Variants in GAB2 observed in about 807,000 individuals in gnomAD.
GAB2 encodes GRB2 associated binding protein 2.
In GAB2, 26 loss-of-function variants were observed where a neutral mutation model predicts 65.5. The ratio of observed to expected loss-of-function variants is 0.40; its 90% CI spans 0.29 to 0.55. GAB2 has a LOEUF of 0.55. GAB2 is among the 20% of genes least tolerant of loss of function. The pLI, the probability that GAB2 is intolerant of heterozygous loss-of-function variation, is 0.53. For synonymous variants in GAB2, 321 were observed against 329.6 expected (o/e 0.97, Z 0.28); for missense variants, 884 against 875.8 (o/e 1.01, Z -0.12).
At chr11:78,396,927 G>GCACACAAAGGGTGAAACAGCCT (rs1282388224) in intron 1 of GAB2, among the ~76,000 whole-genome samples, 5 of 152,074 alleles carry the variant, frequency 3.3e-5, no homozygotes, top group African/African-American at 1.2e-4. Flanking sequence ...TTAACTTAAA[G>GCACACAAAGGGTGAAACAGCCT]CACACAAAGG....
At chr11:78,395,076 G>T (rs1856878779) in intron 1 of GAB2, among the ~76,000 whole-genome samples, 1 of 152,158 alleles carries the variant, frequency 6.6e-6, no homozygotes, top group African/African-American at 2.4e-5. Context: ...AGACCAGAAG[G>T]GCCAGGGAAG....
intron 1 of GAB2, among the ~76,000 whole-genome samples, chr11:78,310,346 C>CA (rs140896478): frequency 0.015 from 1,826 of 120,096 alleles, 22 homozygotes; most frequent in African/African-American, 0.034. Flanking sequence ...ACTAAAAATA[C>CA]AAAAAAAAAA....
chr11:78,406,619 T>A (rs756510525), intron 1 of GAB2, among the ~76,000 whole-genome samples: 1 of 152,090 alleles, frequency 6.6e-6, no homozygotes, highest in Non-Finnish European at 1.5e-5. Flanking sequence ...CTCAGGTGAC[T>A]CACCTGCCTT....
At chr11:78,298,283 C>G (rs939211470) in intron 1 of GAB2, among the ~76,000 whole-genome samples, 5 of 152,028 alleles carry the variant, frequency 3.3e-5, no homozygotes, top group Non-Finnish European at 7.4e-5. Flanking sequence ...TGGGAGATAC[C>G]GGAGAAGGAA....
chr11:78,309,971 T>TGTGTGTGTGTGTGTGTGTGTGCGC lies in GAB2; in HGVS notation c.76-29071_76-29070insGCGCACACACACACACACACACAC, dbSNP rs1421836447. ...GTGTGTGTGTGTGTGTGTGTGTGTG[T>TGTGTGTGTGTGTGTGTGTGTGCGC]GCGCGCGCGCCTGTGTGTGTGGTGG... On this transcript the variant is annotated intron_variant, in intron 1 of 9. Coordinates refer to ENST00000361507, the MANE Select transcript of GAB2 (RefSeq NM_080491.3). 1.7e-3 allele frequency among the ~76,000 whole-genome samples: 210 copies of TGTGTGTGTGTGTGTGTGTGTGCGC among 120,118 alleles called. 1 individual carries two copies. The highest frequency in any genetic ancestry group is 7.3e-3 in the African/African-American group (204 of 28,026). 78.8% of individuals were successfully genotyped at this position (120,118 alleles called of 152,430 possible).
At chr11:78,222,363 G>A (rs1260562350) in intron 6 of GAB2, among the ~76,000 whole-genome samples, 168 bp from the exon 7 acceptor site, 1 of 152,062 alleles carries the variant, frequency 6.6e-6, no homozygotes, top group Non-Finnish European at 1.5e-5. Flanking sequence ...CCATATTGAT[G>A]AGCCTTGAAG....
In GAB2 at chr11:78,354,383, C is replaced by T. The variant is rs189699941; in HGVS notation, c.75+63263G>A. Among the ~76,000 whole-genome samples the T allele has an allele frequency of 1.8e-3, 272 of 152,136 alleles. 2 individuals are homozygous for T. The highest frequency in any genetic ancestry group is 3.5e-3 in the South Asian group (17 of 4,826). On this transcript the variant is annotated intron_variant, in intron 1 of 9. Transcript: ENST00000361507. Reference sequence around the variant, plus strand: ...AAAGAATATGTGATACTAGTACAGACCATATGTACTGTACTGTATCATATC... The same window carrying T: ...AAAGAATATGTGATACTAGTACAGATCATATGTACTGTACTGTATCATATC...
At chr11:78,339,369 A>T (rs921426934) in intron 1 of GAB2, among the ~76,000 whole-genome samples, 1 of 152,178 alleles carries the variant, frequency 6.6e-6, no homozygotes, top group African/African-American at 2.4e-5. Context: ...GGGTTTCAAG[A>T]TGGTCACAAG....
chr11:78,263,636 GAA>G (rs61518720), intron 2 of GAB2, among the ~76,000 whole-genome samples: 38 of 129,138 alleles, frequency 2.9e-4, no homozygotes, highest in African/African-American at 5.7e-4. Flanking sequence ...CTGTCTGGGG[GAA>G]AAAAAAAAAA....
chr11:78,354,894 T>C (rs545571164), intron 1 of GAB2, among the ~76,000 whole-genome samples: 1 of 152,310 alleles, frequency 6.6e-6, no homozygotes, highest in African/African-American at 2.4e-5. Flanking sequence ...ATTACATCAT[T>C]ATACCATAAT....
intron 2 of GAB2, among the ~76,000 whole-genome samples, chr11:78,272,708 T>C (rs1866046598): frequency 6.6e-6 from 1 of 152,166 alleles, no homozygotes; most frequent in African/African-American, 2.4e-5. Flanking sequence ...TTTGCATAAG[T>C]AAGGAGGAGA....
At chr11:78,316,129 C>T (rs1253556060) in intron 1 of GAB2, among the ~76,000 whole-genome samples, 1 of 152,032 alleles carries the variant, frequency 6.6e-6, no homozygotes, top group Non-Finnish European at 1.5e-5. Flanking sequence ...GGGACTTGCA[C>T]GGGGGGCCAG....
intron 1 of GAB2, among the ~76,000 whole-genome samples, chr11:78,303,743 G>C (rs1867095606): frequency 6.6e-6 from 1 of 152,098 alleles, no homozygotes; most frequent in Non-Finnish European, 1.5e-5. Flanking sequence ...TGAATCTATT[G>C]ATCAATTTAG....
At position 78,397,615 on chromosome 11, in the gene GAB2, A is replaced by C. The variant is rs545250553; in HGVS notation, c.75+20031T>G. 2.6e-5 allele frequency among the ~76,000 whole-genome samples: 4 copies of C among 152,352 alleles called. No homozygotes were observed. In the South Asian group the frequency reaches 8.3e-4, roughly 32 times the overall value. On this transcript the variant is annotated intron_variant, in intron 1 of 9. Coordinates refer to ENST00000361507, the MANE Select transcript of GAB2 (RefSeq NM_080491.3). Reference sequence around the variant, plus strand: ...GGCAGATTACCCACAAGTAAAATCTAAACATAGGTCTTATGACACTAACCT... The same window carrying C: ...GGCAGATTACCCACAAGTAAAATCTCAACATAGGTCTTATGACACTAACCT...
At chr11:78,325,754 G>A (rs1855810462) in intron 1 of GAB2, among the ~76,000 whole-genome samples, 1 of 152,152 alleles carries the variant, frequency 6.6e-6, no homozygotes, top group Non-Finnish European at 1.5e-5. Flanking sequence ...TACATTGTCA[G>A]TAGTTAAATC....
intron 3 of GAB2, among the ~76,000 whole-genome samples, chr11:78,242,808 A>G (rs1865177665): frequency 6.6e-6 from 1 of 152,214 alleles, no homozygotes; most frequent in African/African-American, 2.4e-5. Context: ...TTTTTCAAAG[A>G]ATAAACAAAA....
chr11:78,401,584 C>T (rs1165175403), intron 1 of GAB2, among the ~76,000 whole-genome samples: 1 of 144,794 alleles, frequency 6.9e-6, no homozygotes, highest in Non-Finnish European at 1.5e-5. Flanking sequence ...CATCAAGGTT[C>T]ATCTCTGTTG....
At chr11:78,295,332 A>C (rs1205058685) in intron 1 of GAB2, among the ~76,000 whole-genome samples, 1 of 152,184 alleles carries the variant, frequency 6.6e-6, no homozygotes, top group Non-Finnish European at 1.5e-5. Context: ...ACAGGCTGTA[A>C]CCATATGTCC....
At chr11:78,332,043 CAAG>C (rs1855924251) in intron 1 of GAB2, among the ~76,000 whole-genome samples, 3 of 152,292 alleles carry the variant, frequency 2.0e-5, no homozygotes, top group Middle Eastern at 6.8e-3. Flanking sequence ...TAGGAAAAGA[CAAG>C]AAAGGCAGCT....
Sources: allele counts gnomAD v4.1 joint callset (sites outside exome capture counted in the v4.1 genomes callset), GRCh38; gene constraint gnomAD v4.1.1; transcripts MANE v1.5; gene names NCBI Gene and HGNC (gene_info 2026-07-23, HGNC 2026-07-21).